The following AUTS2 variants were observed in gnomAD, a reference collection of about 807,000 sequenced individuals.
The protein encoded by AUTS2 is activator of transcription and developmental regulator AUTS2.
AUTS2 carries 17 observed loss-of-function variants against 112.4 expected under a neutral mutation model. The observed-to-expected ratio is 0.15, with a 90% CI of 0.10 to 0.23. The LOEUF is 0.23. AUTS2 is among the 10% of genes least tolerant of loss of function. AUTS2 has a pLI of 1.00. For missense variants in AUTS2, 1,510 were observed against 1,701.6 expected (o/e 0.89, Z 1.98); for synonymous variants, 751 against 702.7 (o/e 1.07, Z -1.09).
intron 4 of AUTS2, among the ~76,000 whole-genome samples, chr7:70,311,565 GTTTTGT>G (rs1217553001): frequency 6.6e-6 from 1 of 152,052 alleles, no homozygotes; most frequent in African/African-American, 2.4e-5. Context: ...GTTTTGTTTT[GTTTTGT>G]TTTTTGTTAC....
intron 5 of AUTS2, among the ~76,000 whole-genome samples, chr7:70,553,690 C>T (rs548916838): frequency 6.8e-6 from 1 of 146,050 alleles, no homozygotes; most frequent in African/African-American, 2.6e-5. Context: ...TAAATATTTG[C>T]AAGGTGATTT....
chr7:70,708,854 C>G lies in AUTS2; in HGVS notation c.742+10234C>G, dbSNP rs116766513. Among the ~76,000 whole-genome samples the G allele has an allele frequency of 5.3e-3, 811 of 151,918 alleles. 9 individuals are homozygous for G. Among genetic ancestry groups the G allele is most frequent in the African/African-American group, 0.018 (754 of 41,442 alleles). ...TTTGGCAGTGCCATAAAGATCTGTA[C>G]ATCACCTATCAATACAGTCCACTTT... On this transcript the variant is annotated intron_variant, in intron 6 of 18. Coordinates refer to ENST00000342771, the MANE Select transcript of AUTS2 (RefSeq NM_015570.4).
At chr7:70,607,631 C>T (rs1018446870) in intron 5 of AUTS2, among the ~76,000 whole-genome samples, 12 of 152,174 alleles carry the variant, frequency 7.9e-5, no homozygotes, top group East Asian at 1.9e-4. Context: ...CTTCAGGCGA[C>T]GCTGCAGTTC....
intron 1 of AUTS2, among the ~76,000 whole-genome samples, chr7:69,732,607 G>A (rs1277284642): frequency 6.6e-6 from 1 of 152,064 alleles, no homozygotes; most frequent in Non-Finnish European, 1.5e-5. Context: ...ATAGTGCAAA[G>A]TGTTGGCTAT....
chr7:70,315,042 G>T (rs1481403387), intron 4 of AUTS2, among the ~76,000 whole-genome samples: 3 of 152,214 alleles, frequency 2.0e-5, no homozygotes, highest in African/African-American at 7.2e-5. Flanking sequence ...ACCCGTGGAT[G>T]AATAGTTACT....
intron 1 of AUTS2, among the ~76,000 whole-genome samples, chr7:69,683,605 C>A (rs1043286443): frequency 1.5e-4 from 22 of 151,642 alleles, no homozygotes; most frequent in Non-Finnish European, 2.8e-4. Flanking sequence ...AACCCAAAAC[C>A]AAAAAACGAG....
chr7:70,318,792 C>T (rs1790118964), intron 4 of AUTS2, among the ~76,000 whole-genome samples: 2 of 152,182 alleles, frequency 1.3e-5, no homozygotes, highest in South Asian at 4.1e-4. Flanking sequence ...AACTGAGGTG[C>T]AGCCCCCACT....
chr7:70,481,421 T>A (rs895531489), intron 5 of AUTS2, among the ~76,000 whole-genome samples: 1 of 152,220 alleles, frequency 6.6e-6, no homozygotes, highest in Non-Finnish European at 1.5e-5. Context: ...AAATTGCTTC[T>A]ATGGAATTTC....
At position 69,729,579 on chromosome 7, in the gene AUTS2, A is replaced by C. The variant is rs557269403; in HGVS notation, c.309+129617A>C. 3.9e-5 allele frequency among the ~76,000 whole-genome samples: 6 copies of C among 152,296 alleles called. No individual in the cohort carries two copies. The South Asian group carries it at 1.2e-3, about 32-fold the overall frequency. On this transcript the variant is annotated intron_variant, in intron 1 of 18. Transcript: ENST00000342771. ...ATCATGATAGTAATTTAATGGCAGC[A>C]TAATAGTACCTCAAATTGTGCCATA...
intron 4 of AUTS2, among the ~76,000 whole-genome samples, chr7:70,307,433 C>T (rs570768445): frequency 6.6e-5 from 10 of 152,324 alleles, no homozygotes; most frequent in South Asian, 2.1e-4. Flanking sequence ...AGCCCTCAAA[C>T]GTGTTCTTGT....
At chr7:70,501,213 T>G (rs1409438254) in intron 5 of AUTS2, among the ~76,000 whole-genome samples, 5 of 152,230 alleles carry the variant, frequency 3.3e-5, no homozygotes, top group Admixed American at 6.5e-5. Context: ...CTCGGGCAAG[T>G]TAAATGAGTT....
rs116845036 is a variant in AUTS2 at position 69,640,622 on chromosome 7, A to G, written c.309+40660A>G. On this transcript the variant is annotated intron_variant, in intron 1 of 18. Transcript: ENST00000342771. ...TATTCCACTCCTTTCTTGAAATTCA[A>G]TTTAATATTAGCATATTGAATGCCC... is the stretch of plus-strand genomic sequence containing the variant. Among the ~76,000 whole-genome samples the G allele has an allele frequency of 2.7e-4, 41 of 152,352 alleles. 2 individuals carry two copies. In the East Asian group the frequency reaches 6.7e-3, roughly 25 times the overall value.
chr7:69,784,616 A>C (rs1478721297), intron 1 of AUTS2, among the ~76,000 whole-genome samples: 4 of 152,238 alleles, frequency 2.6e-5, no homozygotes, highest in Non-Finnish European at 5.9e-5. Context: ...GACCCAGAAC[A>C]GTACCAAGGG....
chr7:69,728,167 A>G (rs1402443167), intron 1 of AUTS2, among the ~76,000 whole-genome samples: 1 of 152,180 alleles, frequency 6.6e-6, no homozygotes, highest in East Asian at 1.9e-4. Context: ...TGAGGAAGAG[A>G]AGGAGCAGGA....
chr7:70,760,091 T>C lies in AUTS2; in HGVS notation c.743-2779T>C, dbSNP rs368562956. ...TGTGATCTCAGCTCACTGCAACCTC[T>C]GCCTCCCAGGTTCACGCCATTCTCC... On this transcript the variant is annotated intron_variant, in intron 6 of 18. Coordinates refer to ENST00000342771, the MANE Select transcript of AUTS2 (RefSeq NM_015570.4). Among the ~76,000 whole-genome samples, 61 of 152,024 alleles carry C rather than the reference T, an allele frequency of 4.0e-4. No homozygotes were observed. The East Asian group carries it at 6.2e-3, about 16-fold the overall frequency.
intron 1 of AUTS2, among the ~76,000 whole-genome samples, chr7:69,717,790 A>AC (rs1798697535): frequency 6.6e-6 from 1 of 152,072 alleles, no homozygotes. Flanking sequence ...GCATCCCTAC[A>AC]CCCCCAATAT....
intron 5 of AUTS2, among the ~76,000 whole-genome samples, chr7:70,649,696 T>C (rs1585438877): frequency 6.6e-6 from 1 of 152,042 alleles, no homozygotes. Flanking sequence ...GCCCAGCTAA[T>C]TTTTTGTATT....
At chr7:70,751,416 G>A (rs774885870) in intron 6 of AUTS2, among the ~76,000 whole-genome samples, 3 of 152,218 alleles carry the variant, frequency 2.0e-5, no homozygotes, top group Non-Finnish European at 4.4e-5. Context: ...ATACTGGGAA[G>A]ACTATCTTTT....
At chr7:69,857,321 T>C (rs1011526603) in intron 1 of AUTS2, among the ~76,000 whole-genome samples, 1 of 152,196 alleles carries the variant, frequency 6.6e-6, no homozygotes, top group African/African-American at 2.4e-5. Flanking sequence ...CGGTCTTTAT[T>C]TGCCTGTTTT....
Sources: gnomAD v4.1 joint callset for allele counts (sites outside exome capture counted in the v4.1 genomes callset) on GRCh38, gnomAD v4.1.1 for gene constraint, MANE v1.5 for transcripts, NCBI Gene and HGNC (gene_info 2026-07-23, HGNC 2026-07-21) for gene names.